The following DPH1 variants were observed in gnomAD, a reference collection of about 807,000 sequenced individuals.
The protein encoded by DPH1 is 2-(3-amino-3-carboxypropyl)histidine synthase subunit 1.
DPH1 carries 59 observed loss-of-function variants against 55.3 expected under a neutral mutation model. That is an observed-to-expected ratio of 1.07 (90% CI 0.87 to 1.33). The LOEUF is 1.33. Among genes scored for constraint, DPH1 ranks in the 40% most tolerant of loss-of-function variants. The pLI, the probability that DPH1 is intolerant of heterozygous loss-of-function variation, is 0.00. For synonymous variants in DPH1, 238 were observed against 235.5 expected (o/e 1.01, Z -0.10); for missense variants, 628 against 584.8 (o/e 1.07, Z -0.76).
At chr17:2,037,166 G>T (rs1156509827) in intron 6 of DPH1, 2 of 628,882 alleles carry the variant, frequency 3.2e-6, no homozygotes, top group Admixed American at 3.8e-5. Flanking sequence ...AGAAGGCTGT[G>T]CAGGGTGGGG....
chr17:2,040,348 C>T lies in DPH1; in HGVS notation c.880C>T (p.Arg294Cys), dbSNP rs1300818097. 11 of 1,613,992 alleles carry T rather than the reference C, an allele frequency of 6.8e-6. No homozygotes were observed. The highest frequency in any genetic ancestry group is 2.2e-5 in the South Asian group (2 of 91,090). Residue 294 changes from arginine (R) to cysteine (C), a missense_variant, in exon 8 of 13, where the codon CGC becomes TGC. By Grantham distance (180) the Arg-to-Cys change is radical. Coordinates refer to ENST00000263083, the MANE Select transcript of DPH1 (RefSeq NM_001383.6). ...SWGLILGTLG[R>C]QGSPKILEHL... Reference sequence around the variant, plus strand: ...GGGCCTTATTCTGGGCACTTTGGGCCGCCAGGGCAGTCCTAAGATCCTGGA... The same window carrying T: ...GGGCCTTATTCTGGGCACTTTGGGCTGCCAGGGCAGTCCTAAGATCCTGGA...
chr17:2,037,827 C>T (rs765353387), intron 6 of DPH1, among the ~76,000 whole-genome samples: 1 of 152,206 alleles, frequency 6.6e-6, no homozygotes, highest in Non-Finnish European at 1.5e-5. Context: ...TGGGTTGAGC[C>T]TCAGACACAC....
upstream of DPH1, chr17:2,030,149 T>C (rs765733518): frequency 1.6e-5 from 26 of 1,598,968 alleles, no homozygotes; most frequent in South Asian, 2.8e-4. Context: ...GTCTTTTTAG[T>C]ACCACATGCG....
At position 2,033,767 on chromosome 17, in the gene DPH1, C is replaced by T. The variant is rs749020335; in HGVS notation, c.215-12C>T. The T allele has an allele frequency of 2.5e-6, 4 of 1,614,246 alleles. No homozygotes were observed. Among genetic ancestry groups the T allele is most frequent in the Non-Finnish European group, 3.4e-6 (4 of 1,180,028 alleles). ...TAGCCCTCCACCTCTCATGTCTCTG[C>T]TCGTCTTGCAGTGGCCTTGCAAATG... On this transcript the variant is annotated splice_polypyrimidine_tract_variant and intron_variant, in intron 2 of 12. Transcript: ENST00000263083.
rs944097537 is a variant in DPH1 at position 2,033,543 on chromosome 17, C to G, written c.100C>G (p.Pro34Ala). 58 of 1,614,098 alleles carry G rather than the reference C, an allele frequency of 3.6e-5. No individual in the cohort carries two copies. Among genetic ancestry groups the G allele is most frequent in the Non-Finnish European group, 4.2e-5 (49 of 1,180,060 alleles). The change falls in exon 2 of 13, where the codon CCT becomes GCT. Residue 34 changes from proline (P) to alanine (A), a missense_variant. Transcript: ENST00000263083. ...PRGRVANQIP[P>A]EILKNPQLQA... ...GGGCCGCGTGGCCAATCAGATCCCC[C>G]CTGAGATCCTGAAGAACCCTCAGCT...
At chr17:2,037,509 A>G (rs2067445219) in intron 6 of DPH1, among the ~76,000 whole-genome samples, 1 of 151,758 alleles carries the variant, frequency 6.6e-6, no homozygotes, top group Non-Finnish European at 1.5e-5. Flanking sequence ...CAGGCCTGAC[A>G]CCCCTGTCCC....
At position 2,039,840 on chromosome 17, in the gene DPH1, G is replaced by C. The variant is rs769962607; in HGVS notation, c.749+17G>C. ...CGCTTACCGGTATGGGCTGGGCCGGGCTGGGCTGACCAGCTGGTGAGGGGT... is the reference window on the plus strand; with the variant it reads ...CGCTTACCGGTATGGGCTGGGCCGGCCTGGGCTGACCAGCTGGTGAGGGGT... On this transcript the variant is annotated intron_variant, in intron 7 of 12. Transcript: ENST00000263083. 1.9e-6 allele frequency: 3 copies of C among 1,613,950 alleles called. No homozygotes were observed.
chr17:2,041,361 A>G, intron 10 of DPH1, 120 bp from the exon 11 acceptor site: 1 of 1,478,288 alleles, frequency 6.8e-7, no homozygotes, highest in Non-Finnish European at 9.2e-7. Flanking sequence ...TGAACCACAC[A>G]GTTCCCTTCT....
In DPH1 at chr17:2,043,099, G is replaced by A. The variant is rs2067576276; in HGVS notation, c.*513G>A. 2 of 1,613,074 alleles carry A rather than the reference G, an allele frequency of 1.2e-6. No individual in the cohort carries two copies. The highest frequency in any genetic ancestry group is 1.7e-6 in the Non-Finnish European group (2 of 1,179,604). Reference sequence around the variant, plus strand: ...CCTCAAGTTCTTGGACCAGTTTGCAGAGTGAAAGATCAAGAAATGTCTCTG... The same window carrying A: ...CCTCAAGTTCTTGGACCAGTTTGCAAAGTGAAAGATCAAGAAATGTCTCTG... On this transcript the variant is annotated 3_prime_UTR_variant, in exon 13 of 13. Coordinates refer to ENST00000263083, the MANE Select transcript of DPH1 (RefSeq NM_001383.6).
rs1257058300 is a variant in DPH1, at chr17:2,036,605, CCT to C, written c.478_479del (p.Leu160GlyfsTer92). 6.2e-7 allele frequency: 1 copy of C among 1,614,150 alleles called. No individual in the cohort carries two copies. Among genetic ancestry groups the C allele is most frequent in the Admixed American group, 1.7e-5 (1 of 60,022 alleles). ...VDIRIDTTHL[L>X]DSLRLTFPPA... ...ACATCCGGATAGACACTACACACCT[CCT>C]GGACTCTCTCCGCCTCACCTTTCCC... is the stretch of plus-strand genomic sequence containing the variant. On this transcript the variant is annotated frameshift_variant, in exon 5 of 13. Coordinates refer to ENST00000263083, the MANE Select transcript of DPH1 (RefSeq NM_001383.6). LOFTEE classifies it high-confidence loss of function. The surrounding 1 kb of genome is among the most constrained non-coding windows in gnomAD (Gnocchi z 4.8).
chr17:2,035,952 C>T lies in DPH1; in HGVS notation c.279-18C>T, dbSNP rs774248793. ...CCCTGTGTCCCTGTCCCACCGTTCC[C>T]CGCCCCTGTGCCCGCAGGTTCACGG... is the stretch of plus-strand genomic sequence containing the variant. On this transcript the variant is annotated intron_variant, in intron 3 of 12. Coordinates refer to ENST00000263083, the MANE Select transcript of DPH1 (RefSeq NM_001383.6). 9 of 1,613,508 alleles carry T rather than the reference C, an allele frequency of 5.6e-6. No individual in the cohort carries two copies. The African/African-American group carries it at 6.7e-5, about 12-fold the overall frequency.
intron 9 of DPH1, 147 bp downstream of exon 9, chr17:2,040,752 G>A: frequency 1.2e-6 from 1 of 843,890 alleles, no homozygotes; most frequent in Non-Finnish European, 1.8e-6. Flanking sequence ...GGGCTAACTG[G>A]GTCATACCTG....
Position 2,042,641 on chromosome 17 carries a change from G to A in DPH1, c.*55G>A, listed in dbSNP as rs747266426. The A allele has an allele frequency of 6.6e-7, 1 of 1,521,508 alleles. No homozygotes were observed. The highest frequency in any genetic ancestry group is 2.3e-5 in the Admixed American group (1 of 44,202). 94.3% of individuals were successfully genotyped at this position (1,521,508 alleles called of 1,614,324 possible). A position where few individuals can be genotyped will look rare whatever the true frequency, so the allele number is the denominator to read the frequency against. On this transcript the variant is annotated 3_prime_UTR_variant, in exon 13 of 13. Coordinates refer to ENST00000263083, the MANE Select transcript of DPH1 (RefSeq NM_001383.6). ...CCGGAGGAGCAGCCTCGAGGCTGGT[G>A]GTTTTCAGAGCAGGAGGCCGACGTT...
In DPH1 at chr17:2,036,864, T is replaced by C; in HGVS notation, c.588T>C (p.Tyr196=). The change falls in exon 6 of 13, where the codon TAT becomes TAC. Residue 196 remains tyrosine, a synonymous_variant. Transcript: ENST00000263083. The surrounding 1 kb of genome is among the most constrained non-coding windows in gnomAD (Gnocchi z 4.8). ...CCGCCCAGGAGCTGAAAGCCGAGTA[T>C]CGTGTGAGTGTCCCACAGTGCAAGC... is the stretch of plus-strand genomic sequence containing the variant. ...QAAAQELKAE[Y]RVSVPQCKPL... is the part of the protein sequence containing the mutation. 6.2e-7 allele frequency: 1 copy of C among 1,613,662 alleles called. No homozygotes were observed. Among genetic ancestry groups the C allele is most frequent in the Non-Finnish European group, 8.5e-7 (1 of 1,179,974 alleles).
In DPH1 at chr17:2,036,706, T is replaced by C. The variant is rs542271975; in HGVS notation, c.558+20T>C. 1.2e-6 allele frequency: 2 copies of C among 1,613,548 alleles called. No individual in the cohort carries two copies. The highest frequency in any genetic ancestry group is 2.2e-5 in the South Asian group (2 of 91,058). On this transcript the variant is annotated intron_variant, in intron 5 of 12. Coordinates refer to ENST00000263083, the MANE Select transcript of DPH1 (RefSeq NM_001383.6). This position sits in a 1 kb window ranked among gnomAD's most constrained non-coding sequence, Gnocchi z 4.8. Reference sequence around the variant, plus strand: ...TTGCAGGTGGGTGGAACGAGGATCCTCGGCCTCCTGCAGGGTGGACAGCGG... The same window carrying C: ...TTGCAGGTGGGTGGAACGAGGATCCCCGGCCTCCTGCAGGGTGGACAGCGG...
rs1340229955 is a variant in DPH1, at chr17:2,033,928, G to A, written c.278+86G>A. 12 of 1,532,690 alleles carry A rather than the reference G, an allele frequency of 7.8e-6. No individual in the cohort carries two copies. The East Asian group carries it at 1.4e-4, about 17-fold the overall frequency. 94.9% of individuals were successfully genotyped at this position (1,532,690 alleles called of 1,614,324 possible). On this transcript the variant is annotated intron_variant, in intron 3 of 12. Coordinates refer to ENST00000263083, the MANE Select transcript of DPH1 (RefSeq NM_001383.6). ...TACCCGGGTGGGTAAAGCCCTGGTGGCGGGCATTTTTTCCTTCTGAACCTC... is the reference window on the plus strand; with the variant it reads ...TACCCGGGTGGGTAAAGCCCTGGTGACGGGCATTTTTTCCTTCTGAACCTC...
Position 2,042,658 on chromosome 17 carries a change from G to GCCGACGTTTTCTCCGCATTGGAAGAGC in DPH1, c.*76_*102dup. 18 of 1,524,660 alleles carry GCCGACGTTTTCTCCGCATTGGAAGAGC rather than the reference G, an allele frequency of 1.2e-5. No homozygotes were observed. The highest frequency in any genetic ancestry group is 1.6e-5 in the Non-Finnish European group (18 of 1,139,882). 94.4% of individuals were successfully genotyped at this position (1,524,660 alleles called of 1,614,324 possible). On this transcript the variant is annotated 3_prime_UTR_variant, in exon 13 of 13. Coordinates refer to ENST00000263083, the MANE Select transcript of DPH1 (RefSeq NM_001383.6). ...AGGCTGGTGGTTTTCAGAGCAGGAG[G>GCCGACGTTTTCTCCGCATTGGAAGAGC]CCGACGTTTTCTCCGCATTGGAAGA...
intron 9 of DPH1, 61 bp downstream of exon 9, chr17:2,040,666 C>A: frequency 1.3e-6 from 2 of 1,549,360 alleles, no homozygotes; most frequent in South Asian, 2.2e-5. Flanking sequence ...TTGCCCAGCT[C>A]GTCTTGAAGG....
chr17:2,031,535 C>T (rs2067331543), intron 1 of DPH1, among the ~76,000 whole-genome samples: 1 of 131,516 alleles, frequency 7.6e-6, no homozygotes, highest in South Asian at 2.5e-4. Flanking sequence ...GCACTCCAGC[C>T]TGGCCAACAG....
Sources: allele counts gnomAD v4.1 joint callset (sites outside exome capture counted in the v4.1 genomes callset), GRCh38; gene constraint gnomAD v4.1.1; non-coding constraint Gnocchi (gnomAD v3.1); transcripts MANE v1.5; gene names NCBI Gene and HGNC (gene_info 2026-07-23, HGNC 2026-07-21).